POC1B: variants seen among roughly 807,000 people sequenced by gnomAD.
POC1B encodes the protein POC1 centriolar protein B.
A neutral mutation model predicts 60.6 loss-of-function variants in POC1B; 44 were observed. That is an observed-to-expected ratio of 0.73 (90% CI 0.57 to 0.93). POC1B has a LOEUF of 0.93. Among genes scored for constraint, POC1B ranks in the 40% least tolerant of loss-of-function variants. The pLI, the probability that POC1B is intolerant of heterozygous loss-of-function variation, is 0.00. For synonymous variants in POC1B, 180 were observed against 198.9 expected (o/e 0.90, Z 0.80); for missense variants, 555 against 572.3 (o/e 0.97, Z 0.31).
At chr12:89,463,585 G>A (rs1882561069) in intron 9 of POC1B, among the ~76,000 whole-genome samples, 2 of 152,136 alleles carry the variant, frequency 1.3e-5, no homozygotes, top group East Asian at 1.9e-4. Context: ...TAAAAACTGG[G>A]CTTCTTTCCC....
At chr12:89,492,795 A>G (rs1179094463) in intron 3 of POC1B, among the ~76,000 whole-genome samples, 1 of 152,098 alleles carries the variant, frequency 6.6e-6, no homozygotes, top group Non-Finnish European at 1.5e-5. Flanking sequence ...TTAGCAAACC[A>G]TATCATCCTC....
chr12:89,521,528 G>A (rs539197188), intron 2 of POC1B: 70 of 153,716 alleles, frequency 4.6e-4, no homozygotes, highest in Middle Eastern at 3.3e-3. Flanking sequence ...TGTAAAGATT[G>A]CACAGTGAGT....
the POC1B span, among the ~76,000 whole-genome samples, chr12:89,410,332 A>G: frequency 6.6e-5 from 10 of 152,344 alleles, 1 homozygote; most frequent in African/African-American, 2.2e-4. Context: ...ATTTATGACA[A>G]ACCCACAGCC....
intron 2 of POC1B, among the ~76,000 whole-genome samples, chr12:89,499,692 G>A (rs544323661): frequency 1.3e-5 from 2 of 152,140 alleles, no homozygotes; most frequent in Non-Finnish European, 2.9e-5. Flanking sequence ...CAATTGTGGT[G>A]GGTCAACTGG....
rs60679774 is a variant in POC1B at position 89,514,402 on chromosome 12, C to CTTTTTTTTTTTTTTTTTTTTTTTT, written c.100+10694_100+10717dup. Among the ~76,000 whole-genome samples, 12 of 67,094 alleles carry CTTTTTTTTTTTTTTTTTTTTTTTT rather than the reference C, an allele frequency of 1.8e-4. 2 individuals are homozygous for CTTTTTTTTTTTTTTTTTTTTTTTT. The highest frequency in any genetic ancestry group is 2.9e-4 in the Non-Finnish European group (11 of 38,362). 44.0% of individuals were successfully genotyped at this position (67,094 alleles called of 152,430 possible). ...ATAAGTTACTCAGTTTCATGTATTT[C>CTTTTTTTTTTTTTTTTTTTTTTTT]TTTTTTTTTTTTTTTTTTTTTTTTT... On this transcript the variant is annotated intron_variant, in intron 2 of 11. Coordinates refer to ENST00000313546, the MANE Select transcript of POC1B (RefSeq NM_172240.3).
At chr12:89,436,334 T>C (rs1048651960) in intron 10 of POC1B, among the ~76,000 whole-genome samples, 1 of 152,222 alleles carries the variant, frequency 6.6e-6, no homozygotes, top group Non-Finnish European at 1.5e-5. Flanking sequence ...ACAAAACCCG[T>C]TATGTTTCAT....
chr12:89,473,399 A>C (rs887329725), intron 4 of POC1B, among the ~76,000 whole-genome samples: 1 of 152,204 alleles, frequency 6.6e-6, no homozygotes, highest in African/African-American at 2.4e-5. Flanking sequence ...GTCTGGGTGC[A>C]GTGGCTCATG....
intron 10 of POC1B, among the ~76,000 whole-genome samples, chr12:89,442,445 A>G (rs1404418895): frequency 6.6e-6 from 1 of 152,238 alleles, no homozygotes; most frequent in East Asian, 1.9e-4. Context: ...AGTGGGGGCC[A>G]ATATTCAACA....
Position 89,492,047 on chromosome 12 carries a change from C to A in POC1B, c.341G>T (p.Gly114Val). 6.2e-7 allele frequency: 1 copy of A among 1,609,032 alleles called. No individual in the cohort carries two copies. ...PVRSVDFSADGQFLATASEDK... is the reference protein window; with the variant it reads ...PVRSVDFSADVQFLATASEDK... ...TTCAGAAGCTGTAGCTAGAAACTGG[C>A]CATCAGCTGAAAAGTCTACACTTCG... Residue 114 changes from glycine (G) to valine (V), a missense_variant, in exon 4 of 12, where the codon GGC (glycine) becomes GTC (valine). Gly to Val is a moderately radical substitution (Grantham distance 109, BLOSUM62 -3). Transcript: ENST00000313546.
chr12:89,482,551 A>T (rs1868404140), intron 4 of POC1B, among the ~76,000 whole-genome samples: 1 of 152,242 alleles, frequency 6.6e-6, no homozygotes, highest in Non-Finnish European at 1.5e-5. Flanking sequence ...CTGAAAATAA[A>T]AGATCTGAGA....
chr12:89,419,419 A>T (rs1880437921), downstream of POC1B, among the ~76,000 whole-genome samples: 2 of 152,234 alleles, frequency 1.3e-5, no homozygotes, highest in African/African-American at 4.8e-5. Flanking sequence ...TGTATCACTT[A>T]TAAAGTTCTG....
chr12:89,496,989 A>G, intron 3 of POC1B, 182 bp downstream of exon 3: 2 of 646,304 alleles, frequency 3.1e-6, no homozygotes, highest in East Asian at 2.6e-5. Context: ...GTTTTCAAAA[A>G]GAAGACATAA....
chr12:89,447,903 G>C (rs916478975), intron 10 of POC1B, among the ~76,000 whole-genome samples: 1 of 152,012 alleles, frequency 6.6e-6, no homozygotes, highest in Non-Finnish European at 1.5e-5. Flanking sequence ...CAGTCCAAGA[G>C]AGGCAAACTG....
At chr12:89,412,390 T>A in the POC1B span, among the ~76,000 whole-genome samples, 2 of 151,242 alleles carry the variant, frequency 1.3e-5, no homozygotes, top group African/African-American at 4.9e-5. Context: ...CAAAAGTTTT[T>A]AATGTAGGCC....
downstream of POC1B, among the ~76,000 whole-genome samples, chr12:89,416,251 A>G (rs1167561226): frequency 6.6e-6 from 1 of 152,236 alleles, no homozygotes; most frequent in East Asian, 1.9e-4. Flanking sequence ...CTGAGGAAGC[A>G]CAACAGAAAA....
At position 89,501,767 on chromosome 12, in the gene POC1B, A is replaced by G. The variant is rs930765447; in HGVS notation, c.101-4425T>C. 16 of 962,272 alleles carry G rather than the reference A, an allele frequency of 1.7e-5. No individual in the cohort carries two copies. In the African/African-American group the frequency reaches 1.9e-4, roughly 12 times the overall value. 59.6% of individuals were successfully genotyped at this position (962,272 alleles called of 1,614,324 possible). ...AGAAATGAATTACCACTGCATCACA[A>G]CAGTAGGCAAAAATCTGCTAAGAAA... is the stretch of plus-strand genomic sequence containing the variant. On this transcript the variant is annotated intron_variant, in intron 2 of 11. Transcript: ENST00000313546.
intron 10 of POC1B, among the ~76,000 whole-genome samples, chr12:89,453,053 T>G (rs1189754006): frequency 6.6e-6 from 1 of 152,220 alleles, no homozygotes; most frequent in Non-Finnish European, 1.5e-5. Flanking sequence ...AATATTAATG[T>G]GTTTTCTGTT....
chr12:89,457,954 T>C (rs142309093), intron 10 of POC1B, among the ~76,000 whole-genome samples: 74 of 152,308 alleles, frequency 4.9e-4, no homozygotes, highest in African/African-American at 1.7e-3. Context: ...GTACAATCTA[T>C]ACTACAAGGG....
chr12:89,517,753 C>T (rs866679293), intron 2 of POC1B, among the ~76,000 whole-genome samples: 4 of 152,210 alleles, frequency 2.6e-5, no homozygotes, highest in African/African-American at 9.7e-5. Context: ...TTTGTCTCCA[C>T]CACTGGACCA....
Sources: gnomAD v4.1 joint callset for allele counts (sites outside exome capture counted in the v4.1 genomes callset) on GRCh38, gnomAD v4.1.1 for gene constraint, MANE v1.5 for transcripts, NCBI Gene and HGNC (gene_info 2026-07-23, HGNC 2026-07-21) for gene names.